The following MMADHC variants were observed in gnomAD, a reference collection of about 807,000 sequenced individuals.
The protein encoded by MMADHC is cobalamin trafficking protein CblD.
Under a neutral mutation model 36.3 loss-of-function variants are expected in MMADHC, and 23 were observed. The observed-to-expected ratio is 0.63, with a 90% CI of 0.46 to 0.90. The LOEUF (loss-of-function observed/expected upper bound fraction) is 0.90. MMADHC is among the 40% of genes least tolerant of loss of function. The pLI is 0.00. For missense variants in MMADHC, 330 were observed against 348.0 expected, an observed-to-expected ratio of 0.95 and a Z score of 0.41; for synonymous variants, 97 against 116.1, an observed-to-expected ratio of 0.84 and a Z score of 1.06.
intron 2 of MMADHC, among the ~76,000 whole-genome samples, chr2:149,583,420 T>G (rs1682822052): frequency 1.3e-5 from 2 of 152,224 alleles, no homozygotes; most frequent in East Asian, 3.9e-4. Flanking sequence ...AAAAAAGGTT[T>G]GAAATTGAAC....
chr2:149,576,102 T>A (rs190379225), intron 5 of MMADHC, among the ~76,000 whole-genome samples: 25 of 152,182 alleles, frequency 1.6e-4, no homozygotes, highest in African/African-American at 3.4e-4. Flanking sequence ...TTATTTGGGG[T>A]TAATATAATT....
chr2:149,585,884 T>C (rs996155098), intron 2 of MMADHC, among the ~76,000 whole-genome samples: 1 of 152,232 alleles, frequency 6.6e-6, no homozygotes, highest in African/African-American at 2.4e-5. Flanking sequence ...TATAAAAGGA[T>C]CTTCCCTACT....
chr2:149,583,411 A>G lies in MMADHC; in HGVS notation c.10-1140T>C, dbSNP rs1033083514. ...AGGGTAGGTATAAGAATGCAATTAAAAAAAGGTTTGAAATTGAACTTATGG... is the reference window on the plus strand; with the variant it reads ...AGGGTAGGTATAAGAATGCAATTAAGAAAAGGTTTGAAATTGAACTTATGG... On this transcript the variant is annotated intron_variant, in intron 2 of 7. Transcript: ENST00000303319. Among the ~76,000 whole-genome samples, 9 of 152,212 alleles carry G rather than the reference A, an allele frequency of 5.9e-5. No homozygotes were observed. The East Asian group carries it at 1.7e-3, about 29-fold the overall frequency.
chr2:149,579,043 C>G (rs1216793039), intron 4 of MMADHC, among the ~76,000 whole-genome samples: 8 of 145,562 alleles, frequency 5.5e-5, no homozygotes, highest in Non-Finnish European at 1.1e-4. Flanking sequence ...TTTTCTTAAG[C>G]TTTTAAATGG....
At chr2:149,576,823 C>T (rs1186287906) in intron 4 of MMADHC, among the ~76,000 whole-genome samples, 1 of 152,112 alleles carries the variant, frequency 6.6e-6, no homozygotes, top group Non-Finnish European at 1.5e-5. Flanking sequence ...GGCTAAGTAA[C>T]TAAAATGCCA....
intron 3 of MMADHC, among the ~76,000 whole-genome samples, chr2:149,581,524 GA>G (rs1292754997): frequency 6.6e-6 from 1 of 152,066 alleles, no homozygotes; most frequent in Non-Finnish European, 1.5e-5. Context: ...TCCAAGGCAG[GA>G]ATATGGCATG....
chr2:149,571,427 G>A (rs986568378), intron 6 of MMADHC, among the ~76,000 whole-genome samples: 2 of 151,996 alleles, frequency 1.3e-5, no homozygotes, highest in African/African-American at 4.8e-5. Context: ...CTTTCTTTAC[G>A]AACTACTTCT....
Position 149,587,094 on chromosome 2 carries a change from C to A in MMADHC, c.4G>T (p.Ala2Ser). ...TTAAGAGATAATTTACTCACATTGG[C>A]CATCTCCGCTGGAGAAGATAGTTCG... MANVLCNRARLV... is the reference protein window; with the variant it reads MSNVLCNRARLV... Residue 2 changes from alanine (A) to serine (S), a missense_variant, in exon 2 of 8, where the codon GCC (alanine) becomes TCC (serine). Physicochemically the swap from Ala to Ser is moderately conservative, Grantham distance 99. Transcript: ENST00000303319. 1 of 1,613,866 alleles carries A rather than the reference C, an allele frequency of 6.2e-7. No individual in the cohort carries two copies. The highest frequency in any genetic ancestry group is 8.5e-7 in the Non-Finnish European group (1 of 1,179,750).
At chr2:149,579,722 C>T (rs964860282) in intron 3 of MMADHC, 74 bp from the exon 4 acceptor site, 15 of 1,211,746 alleles carry the variant, frequency 1.2e-5, no homozygotes, top group Middle Eastern at 2.5e-4. Flanking sequence ...GAATGCTCTT[C>T]TTAAAATTAT....
intron 2 of MMADHC, among the ~76,000 whole-genome samples, chr2:149,583,292 C>T (rs1682819683): frequency 6.6e-6 from 1 of 151,988 alleles, no homozygotes; most frequent in Non-Finnish European, 1.5e-5. Flanking sequence ...ATTTTGAATA[C>T]AGTAAAAATT....
intron 6 of MMADHC, 57 bp from the exon 7 acceptor site, chr2:149,571,228 T>C (rs1682634448): frequency 4.5e-6 from 5 of 1,119,776 alleles, no homozygotes. Flanking sequence ...GATTGTTTTA[T>C]TTTTAAATAA....
intron 4 of MMADHC, 50 bp from the exon 5 acceptor site, chr2:149,576,592 C>CG: frequency 8.0e-7 from 1 of 1,242,620 alleles, no homozygotes; most frequent in Non-Finnish European, 1.2e-6. Context: ...TCAAATAAAA[C>CG]GGTATCTTGC....
chr2:149,570,912 G>A lies in MMADHC; in HGVS notation c.696+173C>T, dbSNP rs546503847. Reference sequence around the variant, plus strand: ...AAGTGATGGAGAAACTTAACTGTGAGTGATAGAGGTCTCTCAAAAGTTGAG... The same window carrying A: ...AAGTGATGGAGAAACTTAACTGTGAATGATAGAGGTCTCTCAAAAGTTGAG... On this transcript the variant is annotated intron_variant, in intron 7 of 7. Transcript: ENST00000303319. 1.8e-3 allele frequency among the ~76,000 whole-genome samples: 271 copies of A among 152,296 alleles called. 1 individual carries two copies. Among genetic ancestry groups the A allele is most frequent in the African/African-American group, 6.3e-3 (261 of 41,560 alleles).
chr2:149,575,831 T>G lies in MMADHC; in HGVS notation c.489A>C (p.Ser163=). 1 of 1,600,196 alleles carries G rather than the reference T, an allele frequency of 6.2e-7. No homozygotes were observed. Among genetic ancestry groups the G allele is most frequent in the Non-Finnish European group, 8.5e-7 (1 of 1,169,632 alleles). Residue 163 remains serine (S), a synonymous_variant, in exon 6 of 8, where the codon TCA becomes TCC. Transcript: ENST00000303319. ...TGCCATTAGCTACTTCTGGAAACAG[T>G]GATTCAAAATCTACAAATAAGAATA... ...CPELLRKDFE[S]LFPEVANGKL... is the part of the protein sequence containing the mutation.
intron 4 of MMADHC, 140 bp downstream of exon 4, chr2:149,579,291 T>C (rs546131249): frequency 2.5e-5 from 19 of 759,174 alleles, no homozygotes; most frequent in Non-Finnish European, 3.9e-5. Flanking sequence ...TTTCCAAAGC[T>C]ATATATGCTG....
At chr2:149,571,194 T>C (rs910642336) in intron 6 of MMADHC, 23 bp from the exon 7 acceptor site, 2 of 1,493,462 alleles carry the variant, frequency 1.3e-6, no homozygotes, top group African/African-American at 1.4e-5. Context: ...TCACAAATAA[T>C]ATGCTTAAGA....
At chr2:149,580,752 C>T (rs1363568297) in intron 3 of MMADHC, among the ~76,000 whole-genome samples, 3 of 152,152 alleles carry the variant, frequency 2.0e-5, no homozygotes, top group Non-Finnish European at 4.4e-5. Context: ...AATCATGGAA[C>T]CATTTCCTGC....
rs945429451 is a variant in MMADHC, at chr2:149,587,767, A to T, written c.-156T>A. 2 of 152,844 alleles carry T rather than the reference A, an allele frequency of 1.3e-5. No individual in the cohort carries two copies. The highest frequency in any genetic ancestry group is 4.8e-5 in the African/African-American group (2 of 41,474). 9.5% of individuals were successfully genotyped at this position (152,844 alleles called of 1,614,324 possible). A position where few individuals can be genotyped will look rare whatever the true frequency, so the allele number is the denominator to read the frequency against. ...GGTAGCACCTACGCTGGCGGTGAGC[A>T]GGCAAAGGAAGTTGCTTCCGAGCGC... On this transcript the variant is annotated 5_prime_UTR_variant, in exon 1 of 8. Transcript: ENST00000303319.
intron 1 of MMADHC, chr2:149,587,415 G>C (rs993301723): frequency 2.1e-6 from 1 of 472,988 alleles, no homozygotes; most frequent in Middle Eastern, 5.7e-4. Context: ...ATGGGGGCTG[G>C]GTGGCCAAAA....
Sources: gnomAD v4.1 joint callset for allele counts (sites outside exome capture counted in the v4.1 genomes callset) on GRCh38, gnomAD v4.1.1 for gene constraint, MANE v1.5 for transcripts, NCBI Gene and HGNC (gene_info 2026-07-23, HGNC 2026-07-21) for gene names.